RNGTT: variants seen among roughly 807,000 people sequenced by gnomAD.
RNGTT encodes RNA guanylyltransferase and 5'-phosphatase.
A neutral mutation model predicts 79.3 loss-of-function variants in RNGTT; 33 were observed. The ratio of observed to expected loss-of-function variants is 0.42; its 90% CI spans 0.32 to 0.56. The LOEUF is 0.56. Ranked by LOEUF, RNGTT falls within the 20% of genes least tolerant of loss-of-function variation. The pLI, the probability that RNGTT is intolerant of heterozygous loss-of-function variation, is 0.17. For synonymous variants in RNGTT, 222 were observed against 235.9 expected (o/e 0.94, Z 0.54); for missense variants, 497 against 739.1 (o/e 0.67, Z 3.80).
At chr6:88,869,547 G>A (rs1176950504) in intron 8 of RNGTT, among the ~76,000 whole-genome samples, 1 of 152,110 alleles carries the variant, frequency 6.6e-6, no homozygotes, top group African/African-American at 2.4e-5. Context: ...TTGGGTTACA[G>A]GGTTATAGGC....
intron 12 of RNGTT, among the ~76,000 whole-genome samples, chr6:88,794,706 A>C (rs16881059): frequency 0.21 from 31,844 of 152,202 alleles, 4,309 homozygotes; most frequent in African/African-American, 0.38. Flanking sequence ...CTAGAAACAG[A>C]AAGGCATCTT....
chr6:88,853,655 G>T lies in RNGTT; in HGVS notation c.1006C>A (p.His336Asn), dbSNP rs1443401699. The change falls in exon 9 of 16, where the codon CAT (histidine) becomes AAT (asparagine). Residue 336 changes from histidine to asparagine, a missense_variant. His to Asn is a moderately conservative substitution (Grantham distance 68). Transcript: ENST00000369485. The stretch of plus-strand genomic sequence containing the variant: ...CCATCCAAGAGAGTATTTGATAAAT[G>T]CATACGAAGATCTTTACGAAATGGA... ...EFPFRKDLRM[H>N]LSNTLLDGEM... 2 of 1,591,380 alleles carry T rather than the reference G, an allele frequency of 1.3e-6. No individual in the cohort carries two copies. The highest frequency in any genetic ancestry group is 4.5e-5 in the East Asian group (2 of 44,238).
intron 2 of RNGTT, among the ~76,000 whole-genome samples, chr6:88,940,189 T>A (rs563486692): frequency 6.6e-6 from 1 of 151,714 alleles, no homozygotes; most frequent in Non-Finnish European, 1.5e-5. Context: ...GCGATTCTTG[T>A]GCCTCAGCCT....
At chr6:88,765,252 A>G (rs1255160625) in intron 13 of RNGTT, among the ~76,000 whole-genome samples, 1 of 151,912 alleles carries the variant, frequency 6.6e-6, no homozygotes, top group African/African-American at 2.4e-5. Flanking sequence ...TTTTATTAGA[A>G]GGACAAAAAT....
intron 14 of RNGTT, among the ~76,000 whole-genome samples, chr6:88,614,628 T>C (rs1332446517): frequency 1.3e-5 from 2 of 152,176 alleles, no homozygotes; most frequent in African/African-American, 4.8e-5. Flanking sequence ...TGTCAATATA[T>C]AGCAATTAAA....
chr6:88,678,502 T>A (rs1376707692), intron 13 of RNGTT, 83 bp from the exon 14 acceptor site: 10 of 784,020 alleles, frequency 1.3e-5, no homozygotes, highest in Non-Finnish European at 1.7e-5. Context: ...GAATAATAGA[T>A]ATAATATAGA....
At chr6:88,678,684 T>A (rs920124755) in intron 13 of RNGTT, among the ~76,000 whole-genome samples, 2 of 152,078 alleles carry the variant, frequency 1.3e-5, no homozygotes, top group African/African-American at 2.4e-5. Flanking sequence ...CTCGACAGAC[T>A]GAAGCAGGAG....
intron 1 of RNGTT, among the ~76,000 whole-genome samples, chr6:88,946,659 T>C (rs1013532322): frequency 1.2e-4 from 17 of 143,656 alleles, no homozygotes; most frequent in Non-Finnish European, 2.0e-4. Context: ...CCTCTCCCTC[T>C]CTCTCCCTCC....
intron 14 of RNGTT, among the ~76,000 whole-genome samples, chr6:88,625,148 C>G (rs1442459663): frequency 6.6e-6 from 1 of 151,824 alleles, no homozygotes; most frequent in Non-Finnish European, 1.5e-5. Context: ...ATTGTATAAC[C>G]ATGTTGGAAA....
chr6:88,906,553 AT>A, intron 4 of RNGTT, 113 bp from the exon 5 acceptor site: 1 of 593,416 alleles, frequency 1.7e-6, no homozygotes, highest in Non-Finnish European at 2.9e-6. Context: ...AAATAATTAC[AT>A]TTTTTAATTT....
intron 12 of RNGTT, among the ~76,000 whole-genome samples, chr6:88,793,338 C>T (rs1301307576): frequency 1.3e-5 from 2 of 151,836 alleles, no homozygotes; most frequent in African/African-American, 2.4e-5. Flanking sequence ...AAACTGTTAC[C>T]AAAATAGGTA....
At chr6:88,802,746 G>A (rs1779831793) in intron 11 of RNGTT, among the ~76,000 whole-genome samples, 1 of 152,096 alleles carries the variant, frequency 6.6e-6, no homozygotes, top group Non-Finnish European at 1.5e-5. Context: ...AAAGGGGGAA[G>A]CCCCTTATAA....
chr6:88,634,304 C>A (rs1307116443), intron 14 of RNGTT, among the ~76,000 whole-genome samples: 3 of 152,210 alleles, frequency 2.0e-5, no homozygotes, highest in Non-Finnish European at 4.4e-5. Context: ...GTTTCTGCCT[C>A]CCTGTCTGCC....
At chr6:88,763,250 T>C (rs1475905255) in intron 13 of RNGTT, among the ~76,000 whole-genome samples, 1 of 151,562 alleles carries the variant, frequency 6.6e-6, no homozygotes, top group Admixed American at 6.6e-5. Context: ...GGTGGAAGAG[T>C]TATTTTGTTT....
chr6:88,646,994 A>T (rs1331426893), intron 14 of RNGTT, among the ~76,000 whole-genome samples: 1 of 152,350 alleles, frequency 6.6e-6, no homozygotes, highest in East Asian at 1.9e-4. Context: ...CACGTTGTGC[A>T]CATGTACCCT....
chr6:88,779,820 C>T (rs971137230), intron 12 of RNGTT, among the ~76,000 whole-genome samples: 9 of 152,068 alleles, frequency 5.9e-5, no homozygotes, highest in Non-Finnish European at 1.0e-4. Flanking sequence ...TGATGAAACA[C>T]CATCTCTACT....
chr6:88,680,252 T>G (rs946739815), intron 13 of RNGTT, among the ~76,000 whole-genome samples: 9 of 152,170 alleles, frequency 5.9e-5, no homozygotes, highest in African/African-American at 2.2e-4. Flanking sequence ...TAATTTAACT[T>G]CTCTGAAATT....
intron 13 of RNGTT, among the ~76,000 whole-genome samples, chr6:88,706,634 T>G (rs1776138931): frequency 6.6e-6 from 1 of 152,182 alleles, no homozygotes. Flanking sequence ...GAAAATGGCA[T>G]GCTTGTTTCC....
chr6:88,812,905 A>T (rs1170778923), intron 11 of RNGTT, among the ~76,000 whole-genome samples: 1 of 152,238 alleles, frequency 6.6e-6, no homozygotes, highest in Non-Finnish European at 1.5e-5. Flanking sequence ...GATTTATTCA[A>T]ATATTTACTG....
Sources: gnomAD v4.1 joint callset for allele counts (sites outside exome capture counted in the v4.1 genomes callset) on GRCh38, gnomAD v4.1.1 for gene constraint, MANE v1.5 for transcripts, NCBI Gene and HGNC (gene_info 2026-07-23, HGNC 2026-07-21) for gene names.